PGM5: variants seen among roughly 807,000 people sequenced by gnomAD.
The protein encoded by PGM5 is phosphoglucomutase-like protein 5.
A neutral mutation model predicts 59.2 loss-of-function variants in PGM5; 23 were observed. The ratio of observed to expected loss-of-function variants is 0.39; its 90% CI spans 0.28 to 0.55. PGM5 has a LOEUF of 0.55. Among genes scored for constraint, PGM5 ranks in the 20% least tolerant of loss-of-function variants. PGM5 has a pLI of 0.66. For synonymous variants in PGM5, 214 were observed against 286.0 expected (o/e 0.75, Z 2.54); for missense variants, 574 against 748.3 (o/e 0.77, Z 2.72).
At chr9:68,496,224 A>G (rs1359908235) in intron 9 of PGM5, among the ~76,000 whole-genome samples, 7 of 152,250 alleles carry the variant, frequency 4.6e-5, no homozygotes, top group African/African-American at 7.2e-5. Flanking sequence ...TTTAAATGCT[A>G]TTGGGTGATG....
At chr9:68,459,998 T>G (rs1823833539) in intron 6 of PGM5, among the ~76,000 whole-genome samples, 1 of 152,202 alleles carries the variant, frequency 6.6e-6, no homozygotes. Flanking sequence ...GAGAGTTCAG[T>G]GTGTAGAAAA....
chr9:68,447,153 C>A (rs1823624489), intron 6 of PGM5, among the ~76,000 whole-genome samples: 1 of 151,406 alleles, frequency 6.6e-6, no homozygotes, highest in South Asian at 2.1e-4. Flanking sequence ...TTGCTGGTGC[C>A]AAGCCGGAGG....
chr9:68,433,019 T>C (rs1554683142), intron 6 of PGM5, among the ~76,000 whole-genome samples: 2 of 152,214 alleles, frequency 1.3e-5, no homozygotes, highest in African/African-American at 4.8e-5. Flanking sequence ...AATTTTGCAC[T>C]ATATATACAA....
chr9:68,492,087 C>T, intron 9 of PGM5, among the ~76,000 whole-genome samples: 1 of 152,256 alleles, frequency 6.6e-6, no homozygotes, highest in South Asian at 2.1e-4. Flanking sequence ...ACTAATGTCT[C>T]TGTGTTGTCG....
At chr9:68,391,463 A>T (rs573621034) in intron 4 of PGM5, 71 bp from the exon 5 acceptor site, 43 of 1,277,468 alleles carry the variant, frequency 3.4e-5, no homozygotes, top group Non-Finnish European at 4.8e-5. Flanking sequence ...TGTTTCCTGT[A>T]CTATTCAGAA....
At chr9:68,434,842 A>T (rs17056009) in intron 6 of PGM5, among the ~76,000 whole-genome samples, 8,721 of 152,242 alleles carry the variant, frequency 0.057, 595 homozygotes, top group East Asian at 0.38. Context: ...TAGAGTGACT[A>T]CTGCACACCA....
intron 6 of PGM5, among the ~76,000 whole-genome samples, chr9:68,456,224 CT>C (rs1554684817): frequency 6.6e-6 from 1 of 151,454 alleles, no homozygotes; most frequent in African/African-American, 2.4e-5. Flanking sequence ...TATAATCTTG[CT>C]GTCTTTTTTT....
chr9:68,372,233 T>C (rs1281022414), intron 1 of PGM5, among the ~76,000 whole-genome samples: 6 of 151,052 alleles, frequency 4.0e-5, no homozygotes, highest in Non-Finnish European at 7.4e-5. Flanking sequence ...AAAATCAAGG[T>C]ATCGGCATGG....
intron 10 of PGM5, among the ~76,000 whole-genome samples, chr9:68,527,760 A>G (rs1825010424): frequency 1.3e-5 from 2 of 152,182 alleles, no homozygotes; most frequent in African/African-American, 2.4e-5. Flanking sequence ...CCATCTAGCC[A>G]TCTTCATAGA....
intron 6 of PGM5, among the ~76,000 whole-genome samples, chr9:68,457,797 A>G (rs1000579748): frequency 2.0e-5 from 3 of 151,888 alleles, no homozygotes; most frequent in Admixed American, 6.5e-5. Flanking sequence ...AGAGTATTAT[A>G]TAAGTCATTT....
At chr9:68,359,444 C>T (rs1554676079) in intron 1 of PGM5, among the ~76,000 whole-genome samples, 1 of 152,066 alleles carries the variant, frequency 6.6e-6, no homozygotes, top group Non-Finnish European at 1.5e-5. Flanking sequence ...TTCAAACAGC[C>T]AACTTTAACC....
intron 10 of PGM5, among the ~76,000 whole-genome samples, chr9:68,517,016 C>T (rs1444898115): frequency 6.6e-6 from 1 of 151,728 alleles, no homozygotes; most frequent in Non-Finnish European, 1.5e-5. Context: ...GGACTACAGG[C>T]ATGCACCACC....
At chr9:68,365,632 G>A (rs368489365) in intron 1 of PGM5, among the ~76,000 whole-genome samples, 11,473 of 152,130 alleles carry the variant, frequency 0.075, 513 homozygotes, top group Middle Eastern at 0.19. Context: ...GTCTGAAGTC[G>A]TAGAAGCATT....
chr9:68,406,480 A>T (rs1480546945), intron 6 of PGM5: 2 of 149,342 alleles, frequency 1.3e-5, no homozygotes, highest in Non-Finnish European at 3.0e-5. Flanking sequence ...GTAACTCATT[A>T]ATCCACTAAT....
chr9:68,485,836 C>A (rs1188128044), intron 9 of PGM5, among the ~76,000 whole-genome samples: 1 of 152,180 alleles, frequency 6.6e-6, no homozygotes, highest in East Asian at 1.9e-4. Context: ...TCCTGAGACA[C>A]ACTAGAGCTT....
chr9:68,424,091 A>G (rs1823193642), intron 6 of PGM5, among the ~76,000 whole-genome samples: 1 of 152,226 alleles, frequency 6.6e-6, no homozygotes, highest in East Asian at 1.9e-4. Flanking sequence ...CAAGCCTCAG[A>G]CCTCATGATG....
chr9:68,479,596 T>C, intron 8 of PGM5, 43 bp downstream of exon 8: 1 of 1,596,636 alleles, frequency 6.3e-7, no homozygotes, highest in Non-Finnish European at 8.6e-7. Flanking sequence ...CCTGAAGAAC[T>C]ACTCCTAGAA....
chr9:68,453,414 C>G (rs1001383330), intron 6 of PGM5, among the ~76,000 whole-genome samples: 15 of 152,188 alleles, frequency 9.9e-5, no homozygotes, highest in Non-Finnish European at 1.6e-4. Context: ...TTATAGCTAA[C>G]TGCAGCCTTG....
At chr9:68,517,744 A>T (rs899546619) in intron 10 of PGM5, among the ~76,000 whole-genome samples, 1 of 152,252 alleles carries the variant, frequency 6.6e-6, no homozygotes, top group Non-Finnish European at 1.5e-5. Context: ...TCCCATATGA[A>T]GGACTTCTAA....
Sources: gnomAD v4.1 joint callset for allele counts (sites outside exome capture counted in the v4.1 genomes callset) on GRCh38, gnomAD v4.1.1 for gene constraint, MANE v1.5 for transcripts, NCBI Gene and HGNC (gene_info 2026-07-23, HGNC 2026-07-21) for gene names.